NRXN3: variants seen among roughly 807,000 people sequenced by gnomAD.
The protein encoded by NRXN3 is neurexin 3, also known as neurexin III.
A neutral mutation model predicts 137.6 loss-of-function variants in NRXN3; 32 were observed. The observed-to-expected ratio is 0.23, with a 90% CI of 0.18 to 0.31. The LOEUF (loss-of-function observed/expected upper bound fraction) is 0.31, where lower values mean the gene tolerates loss of function less well. NRXN3 is among the 10% of genes least tolerant of loss of function. The pLI, the probability that NRXN3 is intolerant of heterozygous loss-of-function variation, is 1.00. For missense variants in NRXN3, 1,574 were observed against 2,062.5 expected, an observed-to-expected ratio of 0.76 and a Z score of 4.59; for synonymous variants, 798 against 784.5, an observed-to-expected ratio of 1.02 and a Z score of -0.29.
chr14:78,311,309 T>A (rs1256564643), intron 4 of NRXN3, among the ~76,000 whole-genome samples: 1 of 152,156 alleles, frequency 6.6e-6, no homozygotes, highest in Non-Finnish European at 1.5e-5. Context: ...AGTAACTTCT[T>A]AGCAGAGTTC....
chr14:78,419,978 C>T (rs1157244478), intron 4 of NRXN3, among the ~76,000 whole-genome samples: 1 of 39,730 alleles, frequency 2.5e-5, no homozygotes, highest in African/African-American at 4.6e-5. Flanking sequence ...CACACACACA[C>T]ACACACACGT....
intron 15 of NRXN3, among the ~76,000 whole-genome samples, chr14:79,133,948 A>G (rs971144737): frequency 1.7e-5 from 2 of 120,912 alleles, no homozygotes; most frequent in Non-Finnish European, 3.5e-5. Flanking sequence ...AAAAAAAAAA[A>G]AAAGGAAAGA....
chr14:78,611,771 T>G (rs1182341767), intron 4 of NRXN3, among the ~76,000 whole-genome samples: 1 of 152,214 alleles, frequency 6.6e-6, no homozygotes, highest in African/African-American at 2.4e-5. Flanking sequence ...ACTAGCACCC[T>G]ATCTTCTTAC....
Position 78,524,975 on chromosome 14 carries a change from G to A in NRXN3, c.758-120145G>A, listed in dbSNP as rs115026211. Among the ~76,000 whole-genome samples, 1,379 of 152,210 alleles carry A rather than the reference G, an allele frequency of 9.1e-3. 25 individuals are homozygous for A. Among genetic ancestry groups the A allele is most frequent in the African/African-American group, 0.032 (1,319 of 41,538 alleles). ...TTTGCATTCTGTGCGTAGCTAATCCGCTCGGCATAATCCTCTTAACGGCAT... is the reference window on the plus strand; with the variant it reads ...TTTGCATTCTGTGCGTAGCTAATCCACTCGGCATAATCCTCTTAACGGCAT... On this transcript the variant is annotated intron_variant, in intron 4 of 20. Coordinates refer to ENST00000335750, the MANE Select transcript of NRXN3 (RefSeq NM_001330195.2).
intron 16 of NRXN3, among the ~76,000 whole-genome samples, chr14:79,584,216 T>A (rs944905482): frequency 6.6e-6 from 1 of 152,130 alleles, no homozygotes; most frequent in Admixed American, 6.5e-5. Flanking sequence ...AATCTTTTAG[T>A]GGATTCAGCC....
At chr14:78,300,431 C>T in intron 4 of NRXN3, among the ~76,000 whole-genome samples, 1 of 152,250 alleles carries the variant, frequency 6.6e-6, no homozygotes, top group East Asian at 1.9e-4. Context: ...AGGGAGCAGC[C>T]TTGCTGGTCA....
At chr14:79,152,317 G>A (rs1531630) in intron 15 of NRXN3, among the ~76,000 whole-genome samples, 149,434 of 152,148 alleles carry the variant, frequency 0.98, 73,438 homozygotes, top group Middle Eastern at 1. Flanking sequence ...CAGAATAGGT[G>A]CATAGTATTA....
chr14:79,418,076 TAAAG>T (rs1300301135), intron 15 of NRXN3, among the ~76,000 whole-genome samples: 2 of 151,966 alleles, frequency 1.3e-5, no homozygotes, highest in African/African-American at 2.4e-5. Context: ...AGACTAAAGA[TAAAG>T]AAAGAAAGAA....
chr14:78,523,611 A>G (rs1049593543), intron 4 of NRXN3, among the ~76,000 whole-genome samples: 9 of 145,284 alleles, frequency 6.2e-5, no homozygotes, highest in Non-Finnish European at 1.3e-4. Flanking sequence ...CATCCTGGCT[A>G]ACACGGTGAA....
chr14:79,230,709 C>A (rs1055938175), intron 15 of NRXN3, among the ~76,000 whole-genome samples: 1 of 152,160 alleles, frequency 6.6e-6, no homozygotes, highest in Non-Finnish European at 1.5e-5. Context: ...TTGTGATTCT[C>A]TCTTCTGCTG....
At chr14:78,899,362 C>T (rs2099188280) in intron 10 of NRXN3, among the ~76,000 whole-genome samples, 1 of 151,962 alleles carries the variant, frequency 6.6e-6, no homozygotes, top group African/African-American at 2.4e-5. Flanking sequence ...ATTTGTTCCT[C>T]CTGATGCTGT....
At chr14:79,486,908 A>G (rs926762125) in intron 16 of NRXN3, among the ~76,000 whole-genome samples, 1 of 134,136 alleles carries the variant, frequency 7.5e-6, no homozygotes, top group African/African-American at 3.1e-5. Flanking sequence ...AACTCTCTTT[A>G]CAGGTTCTCT....
At chr14:78,305,992 T>C (rs2077335313) in intron 4 of NRXN3, among the ~76,000 whole-genome samples, 1 of 152,214 alleles carries the variant, frequency 6.6e-6, no homozygotes, top group Non-Finnish European at 1.5e-5. Flanking sequence ...GAGACGGTGC[T>C]TGAAAAATAT....
Position 79,279,385 on chromosome 14 carries a change from A to C in NRXN3, c.3263-187836A>C, listed in dbSNP as rs963290826. The C allele has an allele frequency of 5.1e-6, 5 of 985,966 alleles. No homozygotes were observed. In the South Asian group the frequency reaches 2.3e-4, roughly 46 times the overall value. The allele number at this position is 985,966 out of a possible 1,614,324, so 61.1% of individuals were successfully genotyped here. A position where few individuals can be genotyped will look rare whatever the true frequency, so the allele number is the denominator to read the frequency against. On this transcript the variant is annotated intron_variant, in intron 15 of 20. Coordinates refer to ENST00000335750, the MANE Select transcript of NRXN3 (RefSeq NM_001330195.2). ...ATTTGGCTCCCCAACTCCTCGCTTC[A>C]CTTCACCTGTGCCTCCCTGGTCCGC...
intron 20 of NRXN3, among the ~76,000 whole-genome samples, chr14:79,847,220 C>T (rs896048103): frequency 3.9e-5 from 6 of 152,096 alleles, no homozygotes; most frequent in African/African-American, 1.2e-4. Flanking sequence ...CCCAAATAGC[C>T]ATCATTACTA....
intron 19 of NRXN3, among the ~76,000 whole-genome samples, chr14:79,764,673 T>A (rs886079849): frequency 1.1e-4 from 16 of 152,180 alleles, no homozygotes; most frequent in African/African-American, 3.9e-4. Context: ...CATAGAGCAT[T>A]TCCTTATACA....
At chr14:78,938,427 C>A (rs1356193628) in intron 10 of NRXN3, among the ~76,000 whole-genome samples, 3 of 152,118 alleles carry the variant, frequency 2.0e-5, no homozygotes, top group African/African-American at 7.2e-5. Context: ...TTAGAGGCAC[C>A]CTATTGGGCC....
intron 16 of NRXN3, among the ~76,000 whole-genome samples, chr14:79,608,531 G>A (rs779966165): frequency 4.9e-4 from 75 of 152,134 alleles, no homozygotes; most frequent in Non-Finnish European, 8.4e-4. Flanking sequence ...GTTTCACTGT[G>A]TCACCATTTT....
chr14:78,294,172 T>C (rs8003935), intron 3 of NRXN3, among the ~76,000 whole-genome samples: 75,506 of 152,132 alleles, frequency 0.5, 19,268 homozygotes, highest in East Asian at 0.72. Flanking sequence ...TGAACACTTA[T>C]TGTCTGTCAG....
Sources: gnomAD v4.1 joint callset for allele counts (sites outside exome capture counted in the v4.1 genomes callset) on GRCh38, gnomAD v4.1.1 for gene constraint, MANE v1.5 for transcripts, NCBI Gene and HGNC (gene_info 2026-07-23, HGNC 2026-07-21) for gene names.